VWC2L: variants seen among roughly 807,000 people sequenced by gnomAD.
The protein encoded by VWC2L is von Willebrand factor C domain-containing protein 2-like.
VWC2L carries 10 observed loss-of-function variants against 21.6 expected under a neutral mutation model. The observed-to-expected ratio is 0.46, with a 90% CI of 0.29 to 0.78. The LOEUF (loss-of-function observed/expected upper bound fraction) is 0.78, where lower values mean the gene tolerates loss of function less well. Among genes scored for constraint, VWC2L ranks in the 30% least tolerant of loss-of-function variants. The pLI is 0.10. For missense variants in VWC2L, 209 were observed against 277.1 expected, an observed-to-expected ratio of 0.75 and a Z score of 1.74; for synonymous variants, 96 against 94.3, an observed-to-expected ratio of 1.02 and a Z score of -0.10.
intron 3 of VWC2L, 115 bp downstream of exon 3, chr2:214,436,873 A>G (rs1474614228): frequency 2.5e-5 from 31 of 1,228,234 alleles, no homozygotes; most frequent in Non-Finnish European, 3.5e-5. Context: ...GCTTTTCAAT[A>G]TGGGCATGGC....
At chr2:214,420,642 T>G (rs528304487) in intron 2 of VWC2L, among the ~76,000 whole-genome samples, 28 of 152,278 alleles carry the variant, frequency 1.8e-4, no homozygotes, top group African/African-American at 6.7e-4. Flanking sequence ...GGTGCAGTTT[T>G]TAAAGAGTTT....
intron 3 of VWC2L, among the ~76,000 whole-genome samples, chr2:214,571,708 G>A (rs1352684835): frequency 6.6e-6 from 1 of 152,144 alleles, no homozygotes; most frequent in Non-Finnish European, 1.5e-5. Flanking sequence ...TGACAGATAA[G>A]ACCGATATTC....
At chr2:214,529,089 T>A (rs1377121435) in intron 3 of VWC2L, among the ~76,000 whole-genome samples, 1 of 152,080 alleles carries the variant, frequency 6.6e-6, no homozygotes, top group Non-Finnish European at 1.5e-5. Flanking sequence ...TTGCCTACAA[T>A]CACAAGCTAG....
chr2:214,420,089 G>A (rs546058740), intron 2 of VWC2L, among the ~76,000 whole-genome samples: 1 of 152,122 alleles, frequency 6.6e-6, no homozygotes, highest in Admixed American at 6.5e-5. Context: ...TAAGCCGTGG[G>A]ATTATTTTGC....
At chr2:214,557,000 T>TACA (rs1559330023) in intron 3 of VWC2L, among the ~76,000 whole-genome samples, 1 of 152,172 alleles carries the variant, frequency 6.6e-6, no homozygotes, top group Non-Finnish European at 1.5e-5. Context: ...GGAGTCTTCT[T>TACA]ACTGTTCCCT....
intron 3 of VWC2L, among the ~76,000 whole-genome samples, chr2:214,569,624 A>G (rs1222936699): frequency 6.6e-6 from 1 of 152,088 alleles, no homozygotes; most frequent in African/African-American, 2.4e-5. Context: ...AACTGTCCCA[A>G]CTTGTCTTCC....
intron 2 of VWC2L, among the ~76,000 whole-genome samples, chr2:214,419,933 C>T (rs750173273): frequency 6.6e-6 from 1 of 152,060 alleles, no homozygotes; most frequent in Non-Finnish European, 1.5e-5. Flanking sequence ...GTGGCGGGCA[C>T]CTCTAGTCCC....
At chr2:214,553,646 C>A (rs980542700) in intron 3 of VWC2L, among the ~76,000 whole-genome samples, 1 of 152,114 alleles carries the variant, frequency 6.6e-6, no homozygotes, top group East Asian at 1.9e-4. Context: ...ACTTAAAGAA[C>A]ATGTTTTATT....
chr2:214,427,466 A>G (rs1019949205), intron 2 of VWC2L, among the ~76,000 whole-genome samples: 5 of 152,226 alleles, frequency 3.3e-5, no homozygotes, highest in African/African-American at 1.2e-4. Flanking sequence ...CAAGAATCTG[A>G]TTAAAGATTG....
At chr2:214,534,364 A>T (rs1311992085) in intron 3 of VWC2L, among the ~76,000 whole-genome samples, 1 of 152,134 alleles carries the variant, frequency 6.6e-6, no homozygotes, top group East Asian at 1.9e-4. Context: ...TTTGGTTTCC[A>T]GTTCATTGTA....
intron 3 of VWC2L, among the ~76,000 whole-genome samples, chr2:214,542,176 T>G (rs1340564254): frequency 6.6e-6 from 1 of 152,154 alleles, no homozygotes; most frequent in African/African-American, 2.4e-5. Flanking sequence ...TTGTGTGCAG[T>G]GCAGTAAAAT....
chr2:214,435,271 C>G (rs1371897007), intron 2 of VWC2L, among the ~76,000 whole-genome samples: 1 of 152,122 alleles, frequency 6.6e-6, no homozygotes, highest in Non-Finnish European at 1.5e-5. Context: ...ATAGATTTCT[C>G]TGAAATGTTT....
chr2:214,484,588 G>A (rs1688651078), intron 3 of VWC2L, among the ~76,000 whole-genome samples: 1 of 152,118 alleles, frequency 6.6e-6, no homozygotes, highest in South Asian at 2.1e-4. Flanking sequence ...CTCCTGTTAG[G>A]TAGCTTAGTT....
chr2:214,532,728 T>C (rs1386049391), intron 3 of VWC2L, among the ~76,000 whole-genome samples: 1 of 152,288 alleles, frequency 6.6e-6, no homozygotes, highest in East Asian at 1.9e-4. Flanking sequence ...TTTTTCTATT[T>C]GATGGTTTCA....
chr2:214,519,898 C>T (rs900528925), intron 3 of VWC2L, among the ~76,000 whole-genome samples: 1 of 152,076 alleles, frequency 6.6e-6, no homozygotes, highest in Non-Finnish European at 1.5e-5. Flanking sequence ...CAAAGAGATA[C>T]ATTACAATAA....
chr2:214,457,342 A>T (rs1028040478), intron 3 of VWC2L, among the ~76,000 whole-genome samples: 1 of 152,230 alleles, frequency 6.6e-6, no homozygotes. Context: ...GTATAGAAAC[A>T]CTATTGATTT....
chr2:214,555,626 G>A lies in VWC2L; in HGVS notation c.521-20046G>A, dbSNP rs1024039604. 3.3e-5 allele frequency among the ~76,000 whole-genome samples: 5 copies of A among 152,142 alleles called. 1 individual carries two copies. In the South Asian group the frequency reaches 8.3e-4, roughly 25 times the overall value. Reference sequence around the variant, plus strand: ...AGAACAGGTTTGGGGATATCTTTGAGCTAAGAGTGGCAGCATTTCTCCTGA... The same window carrying A: ...AGAACAGGTTTGGGGATATCTTTGAACTAAGAGTGGCAGCATTTCTCCTGA... On this transcript the variant is annotated intron_variant, in intron 3 of 3. Transcript: ENST00000312504.
intron 3 of VWC2L, among the ~76,000 whole-genome samples, chr2:214,451,310 G>GC (rs1014283177): frequency 3.7e-5 from 3 of 80,218 alleles, no homozygotes; most frequent in African/African-American, 7.9e-5. Context: ...GGTCGGTGTG[G>GC]GGGGGGGGGG....
At chr2:214,545,420 T>G (rs1689691000) in intron 3 of VWC2L, among the ~76,000 whole-genome samples, 1 of 152,130 alleles carries the variant, frequency 6.6e-6, no homozygotes, top group African/African-American at 2.4e-5. Flanking sequence ...ATGACACAAA[T>G]TTTTTTAACC....
Sources: allele counts gnomAD v4.1 joint callset (sites outside exome capture counted in the v4.1 genomes callset), GRCh38; gene constraint gnomAD v4.1.1; transcripts MANE v1.5; gene names NCBI Gene and HGNC (gene_info 2026-07-23, HGNC 2026-07-21).